MSRA: variants seen among roughly 807,000 people sequenced by gnomAD.
MSRA encodes the protein mitochondrial peptide methionine sulfoxide reductase.
In MSRA, 54 loss-of-function variants were observed where a neutral mutation model predicts 31.3. The observed-to-expected ratio is 1.73, with a 90% CI of 1.39 to 2.17. The LOEUF is 2.17. Ranked by LOEUF, MSRA falls within the 30% of genes most tolerant of loss-of-function variation. The pLI is 0.00. For synonymous variants in MSRA, 169 were observed against 116.5 expected (o/e 1.45, Z -2.90); for missense variants, 507 against 300.9 (o/e 1.69, Z -5.07).
At position 10,157,196 on chromosome 8, in the gene MSRA, A is replaced by C. The variant is rs940125908; in HGVS notation, c.143-50637A>C. 5.9e-5 allele frequency among the ~76,000 whole-genome samples: 9 copies of C among 152,088 alleles called. 1 individual carries two copies. Among genetic ancestry groups the C allele is most frequent in the South Asian group, 2.1e-4 (1 of 4,816 alleles). ...TTTACATAGTTTCTAATGGGATTAC[A>C]TTTTTAAAGGAAATTCATGGTAGTA... On this transcript the variant is annotated intron_variant, in intron 1 of 5. Transcript: ENST00000317173.
chr8:10,391,686 C>G lies in MSRA; in HGVS notation c.544-36462C>G, dbSNP rs112034078. Among the ~76,000 whole-genome samples, 4 of 152,268 alleles carry G rather than the reference C, an allele frequency of 2.6e-5. No homozygotes were observed. The East Asian group carries it at 7.7e-4, about 29-fold the overall frequency. ...GAGCGTGGGCTAGGAGTCGGTTCTT[C>G]TACACGAGCACGCCTAACAGCTCTG... On this transcript the variant is annotated intron_variant, in intron 5 of 5. Coordinates refer to ENST00000317173, the MANE Select transcript of MSRA (RefSeq NM_012331.5).
At chr8:10,295,845 G>A (rs942641200) in intron 3 of MSRA, among the ~76,000 whole-genome samples, 30 of 152,248 alleles carry the variant, frequency 2.0e-4, no homozygotes, top group African/African-American at 6.7e-4. Flanking sequence ...GTTCTTGTCA[G>A]AGGAAGTCGT....
chr8:10,200,629 G>T (rs1263076475), intron 1 of MSRA, among the ~76,000 whole-genome samples: 4 of 152,110 alleles, frequency 2.6e-5, no homozygotes, highest in Non-Finnish European at 5.9e-5. Context: ...GAGGGGAGAA[G>T]CCCCTCCCAG....
At chr8:10,370,076 T>C (rs1200413806) in intron 5 of MSRA, among the ~76,000 whole-genome samples, 2 of 152,252 alleles carry the variant, frequency 1.3e-5, no homozygotes, top group Admixed American at 1.3e-4. Context: ...GCCATCATTT[T>C]TGCTTTCTGG....
At chr8:10,167,788 T>C (rs1031746243) in intron 1 of MSRA, among the ~76,000 whole-genome samples, 1 of 152,152 alleles carries the variant, frequency 6.6e-6, no homozygotes, top group East Asian at 1.9e-4. Flanking sequence ...CTTTCTCTCA[T>C]AGTGAGATGT....
intron 3 of MSRA, among the ~76,000 whole-genome samples, chr8:10,259,838 C>A (rs763752806): frequency 6.6e-6 from 1 of 152,198 alleles, no homozygotes. Context: ...CGGCTTCTTC[C>A]ATGGCAGTCG....
rs557892513 is a variant in MSRA at position 10,186,179 on chromosome 8, C to G, written c.143-21654C>G. Among the ~76,000 whole-genome samples the G allele has an allele frequency of 9.2e-5, 14 of 152,312 alleles. No homozygotes were observed. The South Asian group carries it at 2.5e-3, about 27-fold the overall frequency. ...CCCTTTTCCTATCATGTATTCACCT[C>G]TTCACTGAAAGAGGTGCTTCCTTGT... is the stretch of plus-strand genomic sequence containing the variant. On this transcript the variant is annotated intron_variant, in intron 1 of 5. Coordinates refer to ENST00000317173, the MANE Select transcript of MSRA (RefSeq NM_012331.5).
intron 2 of MSRA, among the ~76,000 whole-genome samples, chr8:10,241,449 A>G (rs1812404478): frequency 1.3e-5 from 2 of 152,190 alleles, no homozygotes; most frequent in Admixed American, 6.5e-5. Flanking sequence ...TGATGTTTAA[A>G]AAACTCTTCG....
chr8:10,253,766 T>G (rs1798035382), intron 3 of MSRA, among the ~76,000 whole-genome samples: 1 of 152,148 alleles, frequency 6.6e-6, no homozygotes, highest in Non-Finnish European at 1.5e-5. Context: ...GGGGTTGAGC[T>G]TCTCCAGGAA....
At chr8:10,391,590 A>C (rs963039083) in intron 5 of MSRA, among the ~76,000 whole-genome samples, 5 of 152,234 alleles carry the variant, frequency 3.3e-5, no homozygotes, top group African/African-American at 4.8e-5. Flanking sequence ...CATAAAGCCA[A>C]CAGTCAGGTG....
chr8:10,105,199 T>G (rs1585156429), intron 1 of MSRA, among the ~76,000 whole-genome samples: 1 of 152,214 alleles, frequency 6.6e-6, no homozygotes, highest in African/African-American at 2.4e-5. Context: ...TCAATCTTTT[T>G]TTTTCTCATT....
Position 10,370,584 on chromosome 8 carries a change from G to A in MSRA, c.543+50595G>A, listed in dbSNP as rs533786062. 3.2e-4 allele frequency among the ~76,000 whole-genome samples: 49 copies of A among 152,308 alleles called. 2 individuals are homozygous for A. Among genetic ancestry groups the A allele is most frequent in the Admixed American group, 2.2e-3 (33 of 15,298 alleles). ...GCCATATCCCTTGAACTGTGAGTAC[G>A]GGGAGCAAAGTCCTGGTCACCGCCT... is the stretch of plus-strand genomic sequence containing the variant. On this transcript the variant is annotated intron_variant, in intron 5 of 5. Coordinates refer to ENST00000317173, the MANE Select transcript of MSRA (RefSeq NM_012331.5).
At chr8:10,345,647 T>G (rs924897924) in intron 5 of MSRA, among the ~76,000 whole-genome samples, 2 of 152,370 alleles carry the variant, frequency 1.3e-5, no homozygotes, top group African/African-American at 4.8e-5. Flanking sequence ...CAAAAACTTA[T>G]GAGATGCTAA....
At chr8:10,368,507 G>C (rs1413448556) in intron 5 of MSRA, among the ~76,000 whole-genome samples, 1 of 152,232 alleles carries the variant, frequency 6.6e-6, no homozygotes, top group African/African-American at 2.4e-5. Flanking sequence ...ATAGGCAGCA[G>C]AGGGGCCGGG....
At chr8:10,147,210 C>T (rs553874913) in intron 1 of MSRA, among the ~76,000 whole-genome samples, 11 of 152,112 alleles carry the variant, frequency 7.2e-5, no homozygotes, top group African/African-American at 2.7e-4. Context: ...TGAGAAGGAG[C>T]AGGCCTGGAG....
chr8:10,287,530 A>G (rs766341643), intron 3 of MSRA, among the ~76,000 whole-genome samples: 1 of 152,190 alleles, frequency 6.6e-6, no homozygotes, highest in Non-Finnish European at 1.5e-5. Context: ...AACACAGAAC[A>G]AGCTACCTAA....
chr8:10,212,511 A>T (rs1397566430), intron 2 of MSRA, among the ~76,000 whole-genome samples: 1 of 152,232 alleles, frequency 6.6e-6, no homozygotes, highest in Non-Finnish European at 1.5e-5. Flanking sequence ...CATCCACACT[A>T]GTAGTTACGC....
intron 5 of MSRA, among the ~76,000 whole-genome samples, chr8:10,412,294 TA>T (rs1461141942): frequency 1.3e-5 from 2 of 152,252 alleles, no homozygotes; most frequent in Non-Finnish European, 2.9e-5. Context: ...TTCTTTAAAT[TA>T]AAAGTTCCTC....
chr8:10,225,693 A>G (rs1243758326), intron 2 of MSRA, among the ~76,000 whole-genome samples: 1 of 152,168 alleles, frequency 6.6e-6, no homozygotes, highest in Non-Finnish European at 1.5e-5. Flanking sequence ...TTATGGTGCC[A>G]GCTCTCGTTT....
Sources: allele counts gnomAD v4.1 joint callset (sites outside exome capture counted in the v4.1 genomes callset), GRCh38; gene constraint gnomAD v4.1.1; transcripts MANE v1.5; gene names NCBI Gene and HGNC (gene_info 2026-07-23, HGNC 2026-07-21).